ME1: variants seen among roughly 807,000 people sequenced by gnomAD.
ME1 encodes the protein malic enzyme 1, also known as NADP-dependent malic enzyme.
Under a neutral mutation model 66.4 loss-of-function variants are expected in ME1, and 74 were observed. The ratio of observed to expected loss-of-function variants is 1.11; its 90% CI spans 0.92 to 1.35. The LOEUF (loss-of-function observed/expected upper bound fraction) is 1.35, where lower values mean the gene tolerates loss of function less well. ME1 is among the 40% of genes most tolerant of loss of function. ME1 has a pLI of 0.00. For synonymous variants in ME1, 251 were observed against 235.6 expected, an observed-to-expected ratio of 1.07 and a Z score of -0.60; for missense variants, 750 against 694.1, an observed-to-expected ratio of 1.08 and a Z score of -0.90.
At chr6:83,398,169 G>T (rs34639488) in intron 3 of ME1, among the ~76,000 whole-genome samples, 198 bp downstream of exon 3, 38,393 of 151,884 alleles carry the variant, frequency 0.25, 5,493 homozygotes, top group Middle Eastern at 0.46. Flanking sequence ...TGATATGAAT[G>T]TGAAATAATG....
chr6:83,292,867 C>T (rs925670654), intron 6 of ME1, among the ~76,000 whole-genome samples: 6 of 152,156 alleles, frequency 3.9e-5, no homozygotes, highest in South Asian at 2.1e-4. Flanking sequence ...CCCCTCCCGC[C>T]GCCAAGCTCC....
chr6:83,329,872 G>A (rs987333850), intron 5 of ME1, among the ~76,000 whole-genome samples: 7 of 152,056 alleles, frequency 4.6e-5, no homozygotes, highest in African/African-American at 1.7e-4. Context: ...CTATCCTGGA[G>A]TGCAGTGGCA....
At chr6:83,428,729 C>T (rs1274765025) in intron 1 of ME1, among the ~76,000 whole-genome samples, 1 of 152,166 alleles carries the variant, frequency 6.6e-6, no homozygotes, top group Non-Finnish European at 1.5e-5. Flanking sequence ...GATAACCATC[C>T]TAGAACTGAG....
chr6:83,254,424 A>G (rs1583342404), intron 6 of ME1, among the ~76,000 whole-genome samples: 5 of 152,182 alleles, frequency 3.3e-5, no homozygotes, highest in African/African-American at 1.2e-4. Context: ...TCATGGCTTA[A>G]TCACTTCCCA....
At chr6:83,355,110 T>C (rs1768864208) in intron 3 of ME1, among the ~76,000 whole-genome samples, 1 of 152,206 alleles carries the variant, frequency 6.6e-6, no homozygotes, top group Admixed American at 6.5e-5. Flanking sequence ...AAGGTATATA[T>C]TTCTTTTGGA....
chr6:83,217,045 G>C (rs1261558107), intron 12 of ME1, among the ~76,000 whole-genome samples: 1 of 152,158 alleles, frequency 6.6e-6, no homozygotes, highest in Non-Finnish European at 1.5e-5. Flanking sequence ...AGAGCAAAAG[G>C]CTGAGAAAGC....
At chr6:83,264,509 C>A (rs1766952950) in intron 6 of ME1, among the ~76,000 whole-genome samples, 1 of 152,074 alleles carries the variant, frequency 6.6e-6, no homozygotes, top group Non-Finnish European at 1.5e-5. Context: ...AAATTGAAAA[C>A]CTCTGGAAAG....
At position 83,407,832 on chromosome 6, in the gene ME1, TG is replaced by T; in HGVS notation, c.147del (p.Asn49LysfsTer10). On this transcript the variant is annotated frameshift_variant, in exon 2 of 14. Coordinates refer to ENST00000369705, the MANE Select transcript of ME1 (RefSeq NM_002395.6). LOFTEE classifies it high-confidence loss of function. ...NIHGLLPPSF[N>X]SQEIQVLRVV... ...ACTCTAAGAACCTGGATCTCCTGACTGTTGAAGGAAGGTGGCAACAATCCAT... is the reference window on the plus strand; with the variant it reads ...ACTCTAAGAACCTGGATCTCCTGACTTTGAAGGAAGGTGGCAACAATCCAT... 6.2e-7 allele frequency: 1 copy of T among 1,613,514 alleles called. No homozygotes were observed. Among genetic ancestry groups the T allele is most frequent in the Non-Finnish European group, 8.5e-7 (1 of 1,179,870 alleles).
chr6:83,419,561 G>T (rs1770227406), intron 1 of ME1, among the ~76,000 whole-genome samples: 1 of 152,112 alleles, frequency 6.6e-6, no homozygotes, highest in South Asian at 2.1e-4. Context: ...ACTGGTCACT[G>T]GCAACAGTGG....
At chr6:83,428,229 G>C (rs1409784132) in intron 1 of ME1, among the ~76,000 whole-genome samples, 1 of 152,120 alleles carries the variant, frequency 6.6e-6, no homozygotes, top group Admixed American at 6.5e-5. Flanking sequence ...ATTTTAAGTG[G>C]AAGCCTACAT....
At chr6:83,390,017 G>C (rs1479577252) in intron 3 of ME1, among the ~76,000 whole-genome samples, 1 of 151,902 alleles carries the variant, frequency 6.6e-6, no homozygotes, top group Admixed American at 6.6e-5. Flanking sequence ...AAAAAGAAAA[G>C]AAATTCCACA....
intron 3 of ME1, among the ~76,000 whole-genome samples, chr6:83,358,356 T>C (rs540234564): frequency 2.6e-5 from 4 of 152,246 alleles, no homozygotes; most frequent in Admixed American, 1.3e-4. Context: ...AGCTGGTTGG[T>C]TGCTCCTAAG....
chr6:83,214,387 T>C (rs1033855700), intron 13 of ME1, among the ~76,000 whole-genome samples: 97 of 152,336 alleles, frequency 6.4e-4, no homozygotes, highest in African/African-American at 2.2e-3. Context: ...CTGTACATCT[T>C]GAAATTTCTT....
intron 6 of ME1, among the ~76,000 whole-genome samples, chr6:83,313,045 C>A (rs920996310): frequency 6.6e-6 from 1 of 152,212 alleles, no homozygotes; most frequent in Non-Finnish European, 1.5e-5. Flanking sequence ...GTGTGAGCCA[C>A]TGTGCCTGGC....
In ME1 at chr6:83,353,879, C is replaced by T. The variant is rs183965939; in HGVS notation, c.363-1740G>A. ...CAGAAAGTGGTCAGGCAAAGGTCAG[C>T]TCTCAACTCTCATCTCATTTGACCT... On this transcript the variant is annotated intron_variant, in intron 3 of 13. Transcript: ENST00000369705. Among the ~76,000 whole-genome samples the T allele has an allele frequency of 2.0e-5, 3 of 152,204 alleles. No individual in the cohort carries two copies. The East Asian group carries it at 5.8e-4, about 29-fold the overall frequency.
intron 9 of ME1, among the ~76,000 whole-genome samples, chr6:83,232,655 A>G (rs1482278181): frequency 6.6e-6 from 1 of 152,200 alleles, no homozygotes; most frequent in East Asian, 1.9e-4. Context: ...AGAATTTTTT[A>G]TTAAACCACA....
intron 2 of ME1, among the ~76,000 whole-genome samples, chr6:83,399,658 T>C (rs1769806096): frequency 6.6e-6 from 1 of 152,230 alleles, no homozygotes; most frequent in Non-Finnish European, 1.5e-5. Context: ...GTTATCTTTG[T>C]AAATATAAAC....
chr6:83,211,350 A>G lies in ME1; in HGVS notation c.*574T>C, dbSNP rs1360718212. 4.6e-5 allele frequency: 7 copies of G among 152,682 alleles called. No homozygotes were observed. The highest frequency in any genetic ancestry group is 1.7e-4 in the African/African-American group (7 of 41,470). The allele number at this position is 152,682 out of a possible 1,614,324, so 9.5% of individuals were successfully genotyped here. A position where few individuals can be genotyped will look rare whatever the true frequency, so the allele number is the denominator to read the frequency against. ...GAATATTAAAATCTAAGGCTGCACA[A>G]GGCGCTGTAAACAGCAGTGATCTTT... On this transcript the variant is annotated 3_prime_UTR_variant, in exon 14 of 14. Transcript: ENST00000369705.
chr6:83,375,444 G>A (rs1241640321), intron 3 of ME1, among the ~76,000 whole-genome samples: 2 of 152,104 alleles, frequency 1.3e-5, no homozygotes, highest in Non-Finnish European at 2.9e-5. Context: ...CATTGATTTG[G>A]TATCCTGAGA....
Sources: allele counts gnomAD v4.1 joint callset (sites outside exome capture counted in the v4.1 genomes callset), GRCh38; gene constraint gnomAD v4.1.1; transcripts MANE v1.5; gene names NCBI Gene and HGNC (gene_info 2026-07-23, HGNC 2026-07-21).